ASAP2: variants seen among roughly 807,000 people sequenced by gnomAD.
The protein encoded by ASAP2 is ArfGAP with SH3 domain, ankyrin repeat and PH domain 2, also known as arf-GAP with SH3 domain, ANK repeat and PH domain-containing protein 2.
In ASAP2, 45 loss-of-function variants were observed where a neutral mutation model predicts 131.4. The ratio of observed to expected loss-of-function variants is 0.34; its 90% CI spans 0.27 to 0.44. ASAP2 has a LOEUF of 0.44. Ranked by LOEUF, ASAP2 falls within the 20% of genes least tolerant of loss-of-function variation. The pLI is 1.00. For missense variants in ASAP2, 1,011 were observed against 1,297.0 expected (o/e 0.78, Z 3.39); for synonymous variants, 510 against 503.0 (o/e 1.01, Z -0.19).
At chr2:9,288,654 T>C (rs542897233) in intron 2 of ASAP2, among the ~76,000 whole-genome samples, 4 of 152,280 alleles carry the variant, frequency 2.6e-5, no homozygotes, top group East Asian at 1.9e-4. Context: ...GTGAATATAA[T>C]TGGGAGTAAA....
chr2:9,376,131 G>A (rs2709592), intron 17 of ASAP2, among the ~76,000 whole-genome samples: 35,073 of 152,236 alleles, frequency 0.23, 7,339 homozygotes, highest in African/African-American at 0.56. Context: ...AGGCATGTCC[G>A]TGCAGGCTCT....
chr2:9,374,679 TG>T, intron 16 of ASAP2, 75 bp from the exon 17 acceptor site: 1 of 1,386,406 alleles, frequency 7.2e-7, no homozygotes, highest in South Asian at 1.4e-5. Context: ...ACCGTTAACA[TG>T]GCCTTAGACA....
intron 27 of ASAP2, among the ~76,000 whole-genome samples, chr2:9,402,885 C>T (rs1224309295): frequency 6.6e-6 from 1 of 152,216 alleles, no homozygotes; most frequent in Non-Finnish European, 1.5e-5. Flanking sequence ...GGTGACGTTG[C>T]AGCTCACAAA....
At chr2:9,339,053 C>T (rs887009133) in intron 9 of ASAP2, among the ~76,000 whole-genome samples, 2 of 152,170 alleles carry the variant, frequency 1.3e-5, no homozygotes, top group African/African-American at 2.4e-5. Context: ...GTGACATGCA[C>T]GTGTAGTCCC....
chr2:9,353,917 G>C (rs1293216473), intron 12 of ASAP2, among the ~76,000 whole-genome samples: 1 of 152,216 alleles, frequency 6.6e-6, no homozygotes, highest in Non-Finnish European at 1.5e-5. Context: ...TGAGGCTGCA[G>C]TGAGCTGTGA....
At chr2:9,354,780 C>T (rs1210690374) in intron 12 of ASAP2, among the ~76,000 whole-genome samples, 1 of 152,220 alleles carries the variant, frequency 6.6e-6, no homozygotes, top group Non-Finnish European at 1.5e-5. Context: ...CTTCAGCCCT[C>T]ACCCAGTCAC....
chr2:9,401,187 G>T, intron 26 of ASAP2, 87 bp from the exon 27 acceptor site: 2 of 1,550,140 alleles, frequency 1.3e-6, no homozygotes, highest in South Asian at 2.4e-5. Context: ...GGACTCCTGA[G>T]ACCGGGGAAG....
intron 11 of ASAP2, among the ~76,000 whole-genome samples, chr2:9,346,857 T>A (rs1169304854): frequency 6.6e-6 from 1 of 152,200 alleles, no homozygotes; most frequent in Non-Finnish European, 1.5e-5. Flanking sequence ...TCACTTCGAG[T>A]CACTTCCATA....
In ASAP2 at chr2:9,299,914, A is replaced by G. The variant is rs1382420467; in HGVS notation, c.345+2469A>G. ...TCATCCCCACTTTACAGATTAGATA[A>G]CTGAGGCCCTGAATGGTTTGAAGAG... On this transcript the variant is annotated intron_variant, in intron 3 of 27. Coordinates refer to ENST00000281419, the MANE Select transcript of ASAP2 (RefSeq NM_003887.3). 4.6e-5 allele frequency among the ~76,000 whole-genome samples: 7 copies of G among 152,284 alleles called. 1 individual carries two copies. The highest frequency in any genetic ancestry group is 3.3e-4 in the Admixed American group (5 of 15,300).
At chr2:9,346,468 G>A (rs946957100) in intron 11 of ASAP2, among the ~76,000 whole-genome samples, 39 of 151,848 alleles carry the variant, frequency 2.6e-4, no homozygotes, top group Admixed American at 6.6e-4. Flanking sequence ...CTTTCCATGC[G>A]TGGATGTGAG....
intron 24 of ASAP2, among the ~76,000 whole-genome samples, chr2:9,397,860 G>A (rs1331813791): frequency 7.1e-6 from 1 of 140,738 alleles, no homozygotes; most frequent in East Asian, 2.2e-4. Flanking sequence ...CCGGGTTCAC[G>A]CCATTCTCCT....
chr2:9,338,227 G>T (rs1671347278), intron 9 of ASAP2, among the ~76,000 whole-genome samples: 1 of 152,032 alleles, frequency 6.6e-6, no homozygotes, highest in South Asian at 2.1e-4. Context: ...CTGGGGCATG[G>T]TCTCACAGGT....
chr2:9,394,902 C>T (rs907037758), intron 24 of ASAP2, among the ~76,000 whole-genome samples: 7 of 152,318 alleles, frequency 4.6e-5, no homozygotes, highest in East Asian at 3.9e-4. Flanking sequence ...CTGGGGGTTA[C>T]GGTCAGAGTC....
chr2:9,216,800 C>A (rs1662081626), intron 1 of ASAP2, among the ~76,000 whole-genome samples: 1 of 151,948 alleles, frequency 6.6e-6, no homozygotes, highest in Admixed American at 6.6e-5. Flanking sequence ...GAAGGTTTCA[C>A]CATGTCATGG....
chr2:9,344,674 C>A, intron 10 of ASAP2, 39 bp downstream of exon 10: 2 of 1,612,012 alleles, frequency 1.2e-6, no homozygotes, highest in Non-Finnish European at 1.7e-6. Flanking sequence ...AATGTACGTT[C>A]GTTATCTTGT....
intron 11 of ASAP2, 192 bp from the exon 12 acceptor site, chr2:9,350,616 C>G: frequency 2.0e-6 from 1 of 498,472 alleles, no homozygotes; most frequent in South Asian, 3.8e-5. Flanking sequence ...GGCAGTTGCC[C>G]TCTGTGGAGA....
intron 16 of ASAP2, among the ~76,000 whole-genome samples, chr2:9,370,365 CAA>C (rs1673852764): frequency 6.6e-6 from 1 of 152,194 alleles, no homozygotes; most frequent in Non-Finnish European, 1.5e-5. Context: ...AATCCTGTAA[CAA>C]GTGTTTGTGG....
chr2:9,391,232 G>C, intron 23 of ASAP2, 36 bp downstream of exon 23: 1 of 1,586,278 alleles, frequency 6.3e-7, no homozygotes, highest in Non-Finnish European at 8.6e-7. Flanking sequence ...TTGCCCGTGG[G>C]CTTTGTAGAT....
intron 1 of ASAP2, among the ~76,000 whole-genome samples, chr2:9,276,632 G>C (rs1230034269): frequency 6.6e-6 from 1 of 151,970 alleles, no homozygotes; most frequent in East Asian, 1.9e-4. Context: ...CCACCTCCCA[G>C]GTTCAAGCGA....
Sources: gnomAD v4.1 joint callset for allele counts (sites outside exome capture counted in the v4.1 genomes callset) on GRCh38, gnomAD v4.1.1 for gene constraint, MANE v1.5 for transcripts, NCBI Gene and HGNC (gene_info 2026-07-23, HGNC 2026-07-21) for gene names.